The following MYT1L variants were observed in gnomAD, a reference collection of about 807,000 sequenced individuals.
MYT1L encodes myelin transcription factor 1 like.
Under a neutral mutation model 126.7 loss-of-function variants are expected in MYT1L, and 12 were observed. That is an observed-to-expected ratio of 0.09 (90% confidence interval 0.06 to 0.15). MYT1L has a LOEUF of 0.15. Among genes scored for constraint, MYT1L ranks in the 10% least tolerant of loss-of-function variants. The pLI is 1.00. For synonymous variants in MYT1L, 541 were observed against 604.2 expected (o/e 0.90, Z 1.53); for missense variants, 979 against 1,585.2 (o/e 0.62, Z 6.49).
At chr2:2,138,944 A>G (rs1357990395) in intron 3 of MYT1L, among the ~76,000 whole-genome samples, 1 of 151,902 alleles carries the variant, frequency 6.6e-6, no homozygotes, top group Non-Finnish European at 1.5e-5. Flanking sequence ...TGGGCAGGCC[A>G]CTTGCCATGC....
intron 4 of MYT1L, among the ~76,000 whole-genome samples, chr2:2,004,765 T>TGCGTTCTTTCCTGC (rs2062986977): frequency 6.4e-5 from 5 of 78,410 alleles, no homozygotes; most frequent in African/African-American, 1.7e-4. Context: ...CTTTCCTGAA[T>TGCGTTCTTTCCTGC]ACGTTCTTTC....
At chr2:1,989,234 C>T (rs1381892388) in intron 5 of MYT1L, among the ~76,000 whole-genome samples, 1 of 152,054 alleles carries the variant, frequency 6.6e-6, no homozygotes, top group African/African-American at 2.4e-5. Flanking sequence ...TCAACTAATT[C>T]TTCATTTTTA....
intron 2 of MYT1L, among the ~76,000 whole-genome samples, chr2:2,199,724 C>T (rs1338383765): frequency 1.3e-5 from 2 of 152,154 alleles, no homozygotes; most frequent in East Asian, 3.9e-4. Context: ...AATTCTCTGG[C>T]CCAGCTACCT....
intron 2 of MYT1L, among the ~76,000 whole-genome samples, chr2:2,235,346 C>A (rs2094265131): frequency 6.7e-6 from 1 of 148,508 alleles, no homozygotes; most frequent in African/African-American, 2.5e-5. Context: ...TAGCGTGTTC[C>A]TCAGAGCTTC....
At chr2:2,250,088 A>G (rs60552912) in intron 2 of MYT1L, among the ~76,000 whole-genome samples, 3,987 of 152,296 alleles carry the variant, frequency 0.026, 155 homozygotes, top group African/African-American at 0.091. Context: ...GTAAATTAGT[A>G]CAACCACTAT....
chr2:1,858,401 A>G (rs1384013010), intron 18 of MYT1L, among the ~76,000 whole-genome samples: 1 of 152,236 alleles, frequency 6.6e-6, no homozygotes, highest in Non-Finnish European at 1.5e-5. Context: ...CAACCAATGA[A>G]AGATCAAAAA....
rs1337932114 is a variant in MYT1L at position 1,792,517 on chromosome 2, G to A, written c.3277-53C>T. 7 of 1,568,426 alleles carry A rather than the reference G, an allele frequency of 4.5e-6. No homozygotes were observed. In the East Asian group the frequency reaches 1.4e-4, roughly 31 times the overall value. The stretch of plus-strand genomic sequence containing the variant: ...TAACACCAGGAGGACCTAGGAGCGC[G>A]TGGTCGTTGCCGGGGGCCACAGTCT... On this transcript the variant is annotated intron_variant, in intron 23 of 24. Transcript: ENST00000647738.
intron 19 of MYT1L, among the ~76,000 whole-genome samples, chr2:1,844,965 G>C (rs1572797852): frequency 1.3e-5 from 2 of 148,314 alleles, no homozygotes; most frequent in Admixed American, 1.3e-4. Flanking sequence ...CTTAGGATTT[G>C]GATCCATCTT....
At chr2:2,026,792 C>T (rs897242305) in intron 4 of MYT1L, among the ~76,000 whole-genome samples, 1 of 152,076 alleles carries the variant, frequency 6.6e-6, no homozygotes, top group Non-Finnish European at 1.5e-5. Flanking sequence ...GTGGAATGTT[C>T]TTGAACACTG....
chr2:2,208,497 G>A (rs974590659), intron 2 of MYT1L, among the ~76,000 whole-genome samples: 1 of 152,060 alleles, frequency 6.6e-6, no homozygotes, highest in Admixed American at 6.6e-5. Context: ...CATTCCTTCA[G>A]TAAAAAAAGG....
intron 4 of MYT1L, among the ~76,000 whole-genome samples, chr2:2,050,757 G>A (rs1213670780): frequency 3.9e-5 from 6 of 152,134 alleles, no homozygotes; most frequent in Admixed American, 6.5e-5. Context: ...AGAAGGTAGC[G>A]GGACTTGGGG....
chr2:2,137,032 T>C (rs1485238954), intron 3 of MYT1L, among the ~76,000 whole-genome samples: 1 of 152,068 alleles, frequency 6.6e-6, no homozygotes, highest in Non-Finnish European at 1.5e-5. Context: ...ACAAGCATTC[T>C]TATACACCAA....
At chr2:2,141,728 G>A (rs1024817814) in intron 3 of MYT1L, among the ~76,000 whole-genome samples, 2 of 152,158 alleles carry the variant, frequency 1.3e-5, no homozygotes, top group African/African-American at 2.4e-5. Flanking sequence ...GTAACCCTAC[G>A]TCATGGGGCC....
At chr2:2,255,255 G>A (rs1572881806) in intron 2 of MYT1L, among the ~76,000 whole-genome samples, 1 of 152,256 alleles carries the variant, frequency 6.6e-6, no homozygotes, top group East Asian at 1.9e-4. Flanking sequence ...CCCGATTACA[G>A]GGTGATTTCT....
At chr2:2,096,795 A>C (rs2077506939) in intron 3 of MYT1L, among the ~76,000 whole-genome samples, 1 of 152,212 alleles carries the variant, frequency 6.6e-6, no homozygotes, top group Admixed American at 6.5e-5. Context: ...GCTCCCAGGC[A>C]GAGGCCCCAG....
At chr2:2,221,482 C>T (rs1436681255) in intron 2 of MYT1L, among the ~76,000 whole-genome samples, 1 of 151,974 alleles carries the variant, frequency 6.6e-6, no homozygotes, top group Non-Finnish European at 1.5e-5. Context: ...CCTTGGGTGG[C>T]CACACTGTAG....
chr2:2,024,271 T>C (rs2149852405), intron 4 of MYT1L, among the ~76,000 whole-genome samples: 1 of 152,268 alleles, frequency 6.6e-6, no homozygotes, highest in South Asian at 2.1e-4. Context: ...ACACCAGAAC[T>C]TATTCTTACA....
chr2:1,795,382 T>A (rs561880801), intron 23 of MYT1L: 1 of 152,346 alleles, frequency 6.6e-6, no homozygotes, highest in East Asian at 1.9e-4. Flanking sequence ...GCGGCGGTCA[T>A]GGGAGACAGC....
At chr2:2,092,433 T>A (rs1414997124) in intron 3 of MYT1L, among the ~76,000 whole-genome samples, 1 of 152,202 alleles carries the variant, frequency 6.6e-6, no homozygotes, top group East Asian at 1.9e-4. Flanking sequence ...CAAAGATGAA[T>A]GATCACAGAT....
Sources: allele counts gnomAD v4.1 joint callset (sites outside exome capture counted in the v4.1 genomes callset), GRCh38; gene constraint gnomAD v4.1.1; transcripts MANE v1.5; gene names NCBI Gene and HGNC (gene_info 2026-07-23, HGNC 2026-07-21).